The following THOC5 variants were observed in gnomAD, a reference collection of about 807,000 sequenced individuals.
The protein encoded by THOC5 is Fms-interacting protein.
THOC5 carries 43 observed loss-of-function variants against 92.9 expected under a neutral mutation model. The observed-to-expected ratio is 0.46, with a 90% CI of 0.36 to 0.60. The LOEUF is 0.60. THOC5 is among the 20% of genes least tolerant of loss of function. The pLI is 0.00. For synonymous variants in THOC5, 296 were observed against 320.1 expected (o/e 0.92, Z 0.80); for missense variants, 659 against 849.4 (o/e 0.78, Z 2.79).
chr22:29,528,017 C>T lies in THOC5; in HGVS notation c.1066+61G>A, dbSNP rs1417357730. ...TGTTTGGCTCCCGGACCCTCTGCAC[C>T]TGCAGCTGGGTGAACTCTTAGGTGC... On this transcript the variant is annotated intron_variant, in intron 11 of 19. Transcript: ENST00000490103. 2.6e-6 allele frequency: 4 copies of T among 1,553,858 alleles called. No individual in the cohort carries two copies. In the African/African-American group the frequency reaches 5.4e-5, roughly 21 times the overall value.
At position 29,546,544 on chromosome 22, in the gene THOC5, C is replaced by T. The variant is rs918837272; in HGVS notation, c.97-1941G>A. 1.1e-4 allele frequency among the ~76,000 whole-genome samples: 6 copies of T among 53,600 alleles called. No homozygotes were observed. In the South Asian group the frequency reaches 3.5e-3, roughly 31 times the overall value. The allele number at this position is 53,600 out of a possible 152,430, so 35.2% of individuals were successfully genotyped here. A position where few individuals can be genotyped will look rare whatever the true frequency, so the allele number is the denominator to read the frequency against. ...TCCCAGGTTCAGGCAATTCTCCTGC[C>T]TCAGGCTTGGAGATTACAGTGGGTA... On this transcript the variant is annotated intron_variant, in intron 2 of 19. Coordinates refer to ENST00000490103, the MANE Select transcript of THOC5 (RefSeq NM_003678.5).
In THOC5 at chr22:29,508,555, C is replaced by A. The variant is rs367707378; in HGVS notation, c.1989-35G>T. 68 of 1,556,386 alleles carry A rather than the reference C, an allele frequency of 4.4e-5. No homozygotes were observed. The African/African-American group carries it at 8.7e-4, about 20-fold the overall frequency. ...TAGGAGAACGGAGTTGTTAATAACA[C>A]ACCTTCTAGGCTGATAAAATAAATT... On this transcript the variant is annotated intron_variant, in intron 19 of 19. Coordinates refer to ENST00000490103, the MANE Select transcript of THOC5 (RefSeq NM_003678.5).
intron 7 of THOC5, 31 bp downstream of exon 7, chr22:29,536,593 G>T: frequency 7.4e-7 from 1 of 1,356,874 alleles, no homozygotes; most frequent in Non-Finnish European, 1.1e-6. Flanking sequence ...GGTCAGTGGT[G>T]AAGGCAAAGC....
chr22:29,552,353 C>G (rs1228353832), intron 1 of THOC5, among the ~76,000 whole-genome samples: 1 of 151,762 alleles, frequency 6.6e-6, no homozygotes, highest in Non-Finnish European at 1.5e-5. Flanking sequence ...TGTCTCTGCC[C>G]GGCCGCCCAT....
intron 15 of THOC5, among the ~76,000 whole-genome samples, chr22:29,518,456 G>A (rs545706737): frequency 7.2e-5 from 11 of 152,170 alleles, no homozygotes; most frequent in Non-Finnish European, 1.3e-4. Context: ...CTAAGTCAGT[G>A]GCTCATCATT....
intron 6 of THOC5, among the ~76,000 whole-genome samples, chr22:29,537,561 C>T (rs1445774231): frequency 2.0e-5 from 3 of 152,020 alleles, no homozygotes; most frequent in Non-Finnish European, 2.9e-5. Context: ...ATCGCTTAAA[C>T]TGGGGAGGCG....
chr22:29,511,177 G>A lies in THOC5; in HGVS notation c.1917C>T (p.Thr639=), dbSNP rs367756176. Reference sequence around the variant, plus strand: ...CCTCCACACTGTCGTCATGGCTCTCGGTCTCCAGGTAAACATCCAGCAGCA... The same window carrying A: ...CCTCCACACTGTCGTCATGGCTCTCAGTCTCCAGGTAAACATCCAGCAGCA... The part of the protein sequence containing the change: ...LCVLLDVYLE[T]ESHDDSVEGP... The change falls in exon 19 of 20, where the codon ACC becomes ACT. Residue 639 remains threonine, a synonymous_variant. Coordinates refer to ENST00000490103, the MANE Select transcript of THOC5 (RefSeq NM_003678.5). The A allele has an allele frequency of 3.3e-5, 54 of 1,614,094 alleles. No individual in the cohort carries two copies. Among genetic ancestry groups the A allele is most frequent in the South Asian group, 3.1e-4 (28 of 91,076 alleles).
At chr22:29,525,291 TA>T (rs1441324167) in intron 12 of THOC5, among the ~76,000 whole-genome samples, 1 of 151,652 alleles carries the variant, frequency 6.6e-6, no homozygotes, top group East Asian at 1.9e-4. Flanking sequence ...AAATAGAAAT[TA>T]AAAAAAGAAC....
chr22:29,516,253 G>T (rs373836080), intron 17 of THOC5, among the ~76,000 whole-genome samples: 1 of 151,998 alleles, frequency 6.6e-6, no homozygotes, highest in African/African-American at 2.4e-5. Flanking sequence ...GGGATAGGGA[G>T]GCCTCAACTG....
chr22:29,522,149 G>A (rs946271094), intron 12 of THOC5, among the ~76,000 whole-genome samples: 10 of 149,920 alleles, frequency 6.7e-5, no homozygotes, highest in African/African-American at 2.5e-4. Context: ...AGGAGATCGA[G>A]ACCATCCTGG....
At chr22:29,508,656 A>G (rs1342414791) in intron 19 of THOC5, 136 bp from the exon 20 acceptor site, 4 of 770,656 alleles carry the variant, frequency 5.2e-6, no homozygotes, top group East Asian at 2.7e-5. Context: ...AGCATACGGC[A>G]GAACAACATA....
At chr22:29,522,901 T>TGAGGCAGGAGAACTGCATGAACCCAG (rs2063472906) in intron 12 of THOC5, among the ~76,000 whole-genome samples, 1 of 152,152 alleles carries the variant, frequency 6.6e-6, no homozygotes, top group East Asian at 1.9e-4. Context: ...CTTGGGAGGC[T>TGAGGCAGGAGAACTGCATGAACCCAG]GAGGCAGGAG....
intron 17 of THOC5, among the ~76,000 whole-genome samples, chr22:29,514,490 G>GT (rs2063295097): frequency 6.7e-6 from 1 of 148,982 alleles, no homozygotes; most frequent in African/African-American, 2.5e-5. Context: ...CTAATTTTTT[G>GT]TATTTTTAGT....
intron 8 of THOC5, chr22:29,531,415 A>AC: frequency 1.0e-6 from 1 of 1,002,880 alleles, no homozygotes; most frequent in Non-Finnish European, 1.2e-6. Context: ...AAAGACATGC[A>AC]GCCTGATTCA....
chr22:29,525,935 G>A lies in THOC5; in HGVS notation c.1078C>T (p.Leu360Phe). 3 of 1,613,082 alleles carry A rather than the reference G, an allele frequency of 1.9e-6. No homozygotes were observed. Among genetic ancestry groups the A allele is most frequent in the Non-Finnish European group, 2.5e-6 (3 of 1,179,330 alleles). ...LDLKCKDDSV[L>F]HLTFYYLMNL... The stretch of plus-strand genomic sequence containing the variant: ...ATGAGGTAGTAGAAAGTCAGGTGAA[G>A]CACACTGTCATCTGGAGGGGAGGAA... The change falls in exon 12 of 20, where the codon CTT becomes TTT. Residue 360 changes from leucine (L) to phenylalanine (F), a missense_variant. Coordinates refer to ENST00000490103, the MANE Select transcript of THOC5 (RefSeq NM_003678.5).
chr22:29,541,506 CAA>C (rs34069596), intron 5 of THOC5, among the ~76,000 whole-genome samples: 53 of 88,840 alleles, frequency 6.0e-4, no homozygotes, highest in Admixed American at 7.9e-4. Context: ...GACCCTGTCT[CAA>C]AAAAAAAAAA....
chr22:29,524,507 T>C (rs1433219100), intron 12 of THOC5, among the ~76,000 whole-genome samples: 4 of 152,170 alleles, frequency 2.6e-5, no homozygotes, highest in South Asian at 2.1e-4. Flanking sequence ...TATTAGCATG[T>C]AGGGCACCTG....
chr22:29,520,088 C>T lies in THOC5; in HGVS notation c.1294G>A (p.Asp432Asn), dbSNP rs914364867. The change falls in exon 14 of 20, where the codon GAC (aspartate) becomes AAC (asparagine). Residue 432 changes from aspartate to asparagine, a missense_variant. Coordinates refer to ENST00000490103, the MANE Select transcript of THOC5 (RefSeq NM_003678.5). ...GGGTGACCTAGCTCAAGTACATAGTCGCTCAAAGTCAGGATGCTGCAGAAA... is the reference window on the plus strand; with the variant it reads ...GGGTGACCTAGCTCAAGTACATAGTTGCTCAAAGTCAGGATGCTGCAGAAA... ...FDKVGILTLS[D>N]YVLELGHPYL... is the part of the protein sequence containing the mutation. 22 of 1,613,598 alleles carry T rather than the reference C, an allele frequency of 1.4e-5. No individual in the cohort carries two copies. Among genetic ancestry groups the T allele is most frequent in the African/African-American group, 2.7e-5 (2 of 75,010 alleles).
intron 10 of THOC5, 21 bp from the exon 11 acceptor site, chr22:29,528,198 A>G (rs773543868): frequency 6.2e-7 from 1 of 1,614,140 alleles, no homozygotes; most frequent in Non-Finnish European, 8.5e-7. Flanking sequence ...GAAAGTGCCA[A>G]GCTGATGAGC....
Sources: allele counts gnomAD v4.1 joint callset (sites outside exome capture counted in the v4.1 genomes callset), GRCh38; gene constraint gnomAD v4.1.1; transcripts MANE v1.5; gene names NCBI Gene and HGNC (gene_info 2026-07-23, HGNC 2026-07-21).